The following RAF1 variants were observed in gnomAD, a reference collection of about 807,000 sequenced individuals.
RAF1 encodes the protein RAF proto-oncogene serine/threonine-protein kinase.
A neutral mutation model predicts 81.1 loss-of-function variants in RAF1; 27 were observed. The ratio of observed to expected loss-of-function variants is 0.33; its 90% CI spans 0.25 to 0.46. The LOEUF (loss-of-function observed/expected upper bound fraction) is 0.46. RAF1 is among the 20% of genes least tolerant of loss of function. RAF1 has a pLI of 1.00. For synonymous variants in RAF1, 298 were observed against 294.0 expected (o/e 1.01, Z -0.14); for missense variants, 598 against 826.0 (o/e 0.72, Z 3.38).
intron 8 of RAF1, among the ~76,000 whole-genome samples, chr3:12,603,158 A>T (rs1445058760): frequency 6.6e-6 from 1 of 152,110 alleles, no homozygotes; most frequent in African/African-American, 2.4e-5. Flanking sequence ...CCTACAGCCT[A>T]GAACTTCTGG....
chr3:12,607,949 C>CCAA (rs1491212725), intron 5 of RAF1, among the ~76,000 whole-genome samples: 3 of 66,848 alleles, frequency 4.5e-5, no homozygotes, highest in African/African-American at 6.0e-5. Flanking sequence ...GACTTGTCTC[C>CCAA]AAAAAAAAAA....
At chr3:12,643,530 C>G (rs2060254465) in intron 1 of RAF1, among the ~76,000 whole-genome samples, 1 of 152,062 alleles carries the variant, frequency 6.6e-6, no homozygotes, top group African/African-American at 2.4e-5. Flanking sequence ...CACCTGAGGT[C>G]AGTAGTTCAA....
chr3:12,604,132 T>G lies in RAF1; in HGVS notation c.834+4A>C, dbSNP rs2058950056. ...ACATTACCACCCCCAAGGTGCCCTA[T>G]TACCTCAATCATCCTGCTGTCCACA... On this transcript the variant is annotated splice_donor_region_variant and intron_variant, in intron 7 of 17. Coordinates refer to ENST00000442415, the MANE Select transcript of RAF1 (RefSeq NM_001354689.3). 10 of 1,614,064 alleles carry G rather than the reference T, an allele frequency of 6.2e-6. No homozygotes were observed. Among genetic ancestry groups the G allele is most frequent in the Non-Finnish European group, 8.5e-6 (10 of 1,179,992 alleles).
intron 9 of RAF1, 44 bp downstream of exon 8, chr3:12,600,343 GA>G (rs1474395559): frequency 1.2e-6 from 2 of 1,613,752 alleles, no homozygotes; most frequent in South Asian, 2.2e-5. Context: ...ACCGCATAAA[GA>G]AAAAAAGCCC....
At chr3:12,630,657 GA>G (rs943262222) in intron 1 of RAF1, among the ~76,000 whole-genome samples, 10 of 152,154 alleles carry the variant, frequency 6.6e-5, no homozygotes, top group African/African-American at 2.4e-4. Context: ...AAAGATCATA[GA>G]CTTGAGTACA....
chr3:12,637,745 C>T (rs1200847857), intron 1 of RAF1, among the ~76,000 whole-genome samples: 1 of 151,628 alleles, frequency 6.6e-6, no homozygotes, highest in Non-Finnish European at 1.5e-5. Context: ...CCCAGCTACT[C>T]GGAAGGCTGA....
intron 16 of RAF1, 43 bp from the exon 16 acceptor site, chr3:12,585,024 C>A (rs1559399268): frequency 6.2e-7 from 1 of 1,614,000 alleles, no homozygotes; most frequent in Admixed American, 1.7e-5. Flanking sequence ...GGTGAATGAA[C>A]AACAGATAAT....
chr3:12,594,370 G>A (rs113833607), intron 11 of RAF1, among the ~76,000 whole-genome samples: 22 of 152,268 alleles, frequency 1.4e-4, no homozygotes, highest in African/African-American at 5.1e-4. Flanking sequence ...ATGTGGCTTG[G>A]GAGATGCTGG....
intron 1 of RAF1, among the ~76,000 whole-genome samples, chr3:12,643,344 A>G (rs2060248346): frequency 1.3e-5 from 2 of 152,230 alleles, no homozygotes; most frequent in Admixed American, 6.5e-5. Flanking sequence ...CAGATTATAT[A>G]GCAGGCACAA....
intron 14 of RAF1, among the ~76,000 whole-genome samples, chr3:12,586,520 T>C (rs1380589621): frequency 6.6e-6 from 1 of 152,216 alleles, no homozygotes; most frequent in Non-Finnish European, 1.5e-5. Context: ...TTTCATGGTA[T>C]AATGTTTGGC....
At chr3:12,592,880 C>T (rs2058563064) in intron 11 of RAF1, among the ~76,000 whole-genome samples, 1 of 151,446 alleles carries the variant, frequency 6.6e-6, no homozygotes, top group Non-Finnish European at 1.5e-5. Context: ...GGACTACAGG[C>T]ACCCGCCACC....
chr3:12,633,872 T>G (rs1263101919), intron 1 of RAF1, among the ~76,000 whole-genome samples: 1 of 149,856 alleles, frequency 6.7e-6, no homozygotes, highest in Non-Finnish European at 1.5e-5. Flanking sequence ...GAGGCAGAGA[T>G]TGCAGTGAGC....
At chr3:12,651,441 C>G (rs541937748) in intron 1 of RAF1, among the ~76,000 whole-genome samples, 1 of 152,156 alleles carries the variant, frequency 6.6e-6, no homozygotes, top group African/African-American at 2.4e-5. Flanking sequence ...CGAGACCAGC[C>G]TGGCCAACAT....
intron 1 of RAF1, among the ~76,000 whole-genome samples, chr3:12,661,307 AAAT>A (rs2060870476): frequency 6.6e-6 from 1 of 152,236 alleles, no homozygotes; most frequent in East Asian, 1.9e-4. Flanking sequence ...ATAGTTTATA[AAAT>A]ACACTTATTA....
intron 8 of RAF1, among the ~76,000 whole-genome samples, chr3:12,602,510 C>A (rs1024398675): frequency 2.0e-5 from 3 of 152,132 alleles, no homozygotes; most frequent in Admixed American, 6.5e-5. Flanking sequence ...CACCACCAAG[C>A]CCAGCTAATT....
Position 12,626,244 on chromosome 3 carries a change from CAA to C in RAF1, c.-26-7499_-26-7498del, listed in dbSNP as rs201895405. Among the ~76,000 whole-genome samples the C allele has an allele frequency of 8.9e-4, 93 of 104,206 alleles. 1 individual carries two copies. Among genetic ancestry groups the C allele is most frequent in the East Asian group, 1.2e-3 (5 of 4,100 alleles). The allele number at this position is 104,206 out of a possible 152,430, so 68.4% of individuals were successfully genotyped here. On this transcript the variant is annotated intron_variant, in intron 1 of 17. Transcript: ENST00000442415. ...GAGCAACATGAGCAAAACTCTGTCT[CAA>C]AAAAAAAAAAAAAAAGTAAACCAAA...
intron 1 of RAF1, among the ~76,000 whole-genome samples, chr3:12,628,155 A>G (rs1339098622): frequency 2.0e-5 from 3 of 152,242 alleles, no homozygotes; most frequent in African/African-American, 7.2e-5. Context: ...TCTACATTCA[A>G]GTTATAAAAT....
At chr3:12,609,431 C>T (rs2059143019) in intron 3 of RAF1, 96 bp from the exon 4 acceptor site, 1 of 795,054 alleles carries the variant, frequency 1.3e-6, no homozygotes. Flanking sequence ...CATATAAACA[C>T]AACTTTATTT....
intron 14 of RAF1, chr3:12,587,230 G>T: frequency 3.4e-6 from 1 of 293,676 alleles, no homozygotes; most frequent in Non-Finnish European, 6.5e-6. Flanking sequence ...ACACACGCTG[G>T]CCACAAACTA....
Sources: allele counts gnomAD v4.1 joint callset (sites outside exome capture counted in the v4.1 genomes callset), GRCh38; gene constraint gnomAD v4.1.1; transcripts MANE v1.5; gene names NCBI Gene and HGNC (gene_info 2026-07-23, HGNC 2026-07-21).